STK38L: variants seen among roughly 807,000 people sequenced by gnomAD.
STK38L encodes the protein serine/threonine kinase 38 like.
Under a neutral mutation model 59.7 loss-of-function variants are expected in STK38L, and 28 were observed. The observed-to-expected ratio is 0.47, with a 90% CI of 0.35 to 0.64. The LOEUF is 0.64. STK38L is among the 30% of genes least tolerant of loss of function. The pLI is 0.01. For missense variants in STK38L, 314 were observed against 555.8 expected (o/e 0.56, Z 4.37); for synonymous variants, 162 against 176.8 (o/e 0.92, Z 0.66).
intron 1 of STK38L, 68 bp from the exon 2 acceptor site, chr12:27,297,642 C>A: frequency 6.7e-7 from 1 of 1,488,016 alleles, no homozygotes; most frequent in Non-Finnish European, 9.0e-7. Context: ...TGAACATTTT[C>A]AGAGTTTATT....
chr12:27,247,480 G>A (rs1159244187), intron 1 of STK38L, among the ~76,000 whole-genome samples: 1 of 152,142 alleles, frequency 6.6e-6, no homozygotes, highest in Admixed American at 6.5e-5. Flanking sequence ...CCAAGTAAAT[G>A]AGTTATTTTT....
chr12:27,283,961 G>A (rs374403618), intron 1 of STK38L, among the ~76,000 whole-genome samples: 4 of 152,192 alleles, frequency 2.6e-5, no homozygotes, highest in South Asian at 4.1e-4. Flanking sequence ...ATTACTGAAT[G>A]GTAATCAACT....
At chr12:27,264,950 G>A (rs1349158579) in intron 1 of STK38L, among the ~76,000 whole-genome samples, 3 of 152,166 alleles carry the variant, frequency 2.0e-5, no homozygotes, top group Non-Finnish European at 1.5e-5. Flanking sequence ...TACTCTTTTT[G>A]AGTATTGTTT....
chr12:27,316,840 A>G (rs1301029969), intron 9 of STK38L, among the ~76,000 whole-genome samples: 2 of 152,194 alleles, frequency 1.3e-5, no homozygotes, highest in Admixed American at 6.5e-5. Context: ...CAACTCTATT[A>G]GGGCAGGTAT....
At chr12:27,255,406 G>C (rs1309086589) in intron 1 of STK38L, among the ~76,000 whole-genome samples, 1 of 152,170 alleles carries the variant, frequency 6.6e-6, no homozygotes, top group Admixed American at 6.5e-5. Context: ...CAAGATATTG[G>C]ACTGACAAAG....
intron 1 of STK38L, among the ~76,000 whole-genome samples, chr12:27,258,424 G>A (rs1943134238): frequency 6.6e-6 from 1 of 152,028 alleles, no homozygotes; most frequent in African/African-American, 2.4e-5. Flanking sequence ...CACCTCCTGG[G>A]TTCAAGTGAT....
rs1944394239 is a variant in STK38L at position 27,308,953 on chromosome 12, CATATATAAAAATATATAG to C, written c.310-155_310-138del. Among the ~76,000 whole-genome samples the C allele has an allele frequency of 7.0e-6, 1 of 142,652 alleles. No homozygotes were observed. The highest frequency in any genetic ancestry group is 1.5e-5 in the Non-Finnish European group (1 of 65,594). 93.6% of individuals were successfully genotyped at this position (142,652 alleles called of 152,430 possible). ...AAAATATATATAAATATATATATAA[CATATATAAAAATATATAG>C]ATATAAAAATATATAGATATATATA... On this transcript the variant is annotated intron_variant, in intron 4 of 13. Transcript: ENST00000389032. The surrounding 1 kb of genome is among the most constrained non-coding windows in gnomAD (Gnocchi z 4.5).
At chr12:27,245,776 C>A (rs1033353626) in intron 1 of STK38L, 3 of 152,036 alleles carry the variant, frequency 2.0e-5, no homozygotes, top group Non-Finnish European at 4.4e-5. Flanking sequence ...CTACTTCCAT[C>A]TGAAAAATCC....
intron 3 of STK38L, chr12:27,302,452 A>G (rs1944198080): frequency 3.6e-6 from 1 of 275,182 alleles, no homozygotes; most frequent in Non-Finnish European, 6.7e-6. Context: ...TCCGGGAGGA[A>G]TTAATCAATC....
intron 1 of STK38L, among the ~76,000 whole-genome samples, chr12:27,283,020 A>T (rs1291994017): frequency 2.0e-5 from 3 of 152,206 alleles, no homozygotes; most frequent in Non-Finnish European, 2.9e-5. Flanking sequence ...TGTCATGAGG[A>T]TTAAGTGAAA....
At chr12:27,262,973 A>G (rs191985578) in intron 1 of STK38L, among the ~76,000 whole-genome samples, 1 of 151,550 alleles carries the variant, frequency 6.6e-6, no homozygotes, top group African/African-American at 2.4e-5. Flanking sequence ...TAATTTTTGT[A>G]TTTTTGGTAG....
intron 2 of STK38L, among the ~76,000 whole-genome samples, chr12:27,301,111 T>C (rs147339589): frequency 6.6e-6 from 1 of 152,182 alleles, no homozygotes; most frequent in Non-Finnish European, 1.5e-5. Context: ...TCCACAACCA[T>C]CTCTCTAGTT....
chr12:27,256,441 C>T (rs1943094114), intron 1 of STK38L, among the ~76,000 whole-genome samples: 1 of 152,358 alleles, frequency 6.6e-6, no homozygotes, highest in African/African-American at 2.4e-5. Context: ...CTTTCCTATA[C>T]TTCTTGGGTA....
At chr12:27,268,063 A>C (rs1011075666) in intron 1 of STK38L, among the ~76,000 whole-genome samples, 4 of 152,058 alleles carry the variant, frequency 2.6e-5, no homozygotes, top group African/African-American at 4.8e-5. Flanking sequence ...CTTTGTTTTT[A>C]TGTGTTACAA....
chr12:27,277,748 TG>T (rs1943568777), intron 1 of STK38L, among the ~76,000 whole-genome samples: 1 of 152,168 alleles, frequency 6.6e-6, no homozygotes, highest in African/African-American at 2.4e-5. Context: ...TTTTGCTCCT[TG>T]GAAGGGGATA....
intron 1 of STK38L, among the ~76,000 whole-genome samples, chr12:27,287,488 A>G (rs1215226315): frequency 6.6e-6 from 1 of 152,194 alleles, no homozygotes. Context: ...GATATACAGT[A>G]TATACATATG....
chr12:27,251,280 G>A (rs1942970104), intron 1 of STK38L, among the ~76,000 whole-genome samples: 2 of 152,084 alleles, frequency 1.3e-5, no homozygotes, highest in South Asian at 4.1e-4. Context: ...TTTACTCTTA[G>A]CACTTATTTT....
chr12:27,272,183 C>T (rs547565796), intron 1 of STK38L, among the ~76,000 whole-genome samples: 7 of 152,168 alleles, frequency 4.6e-5, no homozygotes, highest in African/African-American at 1.2e-4. Context: ...AATAATACAA[C>T]GAATTAAGGT....
intron 1 of STK38L, among the ~76,000 whole-genome samples, chr12:27,257,256 G>A (rs1943109410): frequency 6.6e-6 from 1 of 152,166 alleles, no homozygotes; most frequent in African/African-American, 2.4e-5. Context: ...ATCTTAATGG[G>A]GAGTGTCACT....
Sources: allele counts gnomAD v4.1 joint callset (sites outside exome capture counted in the v4.1 genomes callset), GRCh38; gene constraint gnomAD v4.1.1; non-coding constraint Gnocchi (gnomAD v3.1); transcripts MANE v1.5; gene names NCBI Gene and HGNC (gene_info 2026-07-23, HGNC 2026-07-21).